PACSIN2: variants seen among roughly 807,000 people sequenced by gnomAD.
PACSIN2 encodes the protein protein kinase C and casein kinase substrate in neurons protein 2.
In PACSIN2, 25 loss-of-function variants were observed where a neutral mutation model predicts 63.8. The ratio of observed to expected loss-of-function variants is 0.39; its 90% confidence interval spans 0.29 to 0.55. The LOEUF is 0.55. Among genes scored for constraint, PACSIN2 ranks in the 20% least tolerant of loss-of-function variants. The pLI is 0.62. For missense variants in PACSIN2, 518 were observed against 646.9 expected, an observed-to-expected ratio of 0.80 and a Z score of 2.16; for synonymous variants, 255 against 256.2, an observed-to-expected ratio of 1.00 and a Z score of 0.05.
intron 1 of PACSIN2, among the ~76,000 whole-genome samples, chr22:42,951,757 C>T (rs1933703344): frequency 6.6e-6 from 1 of 152,210 alleles, no homozygotes; most frequent in Admixed American, 6.5e-5. Flanking sequence ...TTGCCAACAG[C>T]TATTGTCAAC....
chr22:43,014,005 G>A (rs1924676047), intron 1 of PACSIN2, among the ~76,000 whole-genome samples: 1 of 152,054 alleles, frequency 6.6e-6, no homozygotes. Context: ...AGCCGTGTGG[G>A]CCCCAAAGCA....
At chr22:42,947,975 C>T (rs190944686) in intron 1 of PACSIN2, among the ~76,000 whole-genome samples, 33 of 152,328 alleles carry the variant, frequency 2.2e-4, no homozygotes, top group African/African-American at 7.9e-4. Flanking sequence ...GAACAACCTC[C>T]TCCAACACAG....
chr22:42,941,647 T>C (rs867694193), intron 1 of PACSIN2, among the ~76,000 whole-genome samples: 25 of 152,356 alleles, frequency 1.6e-4, no homozygotes, highest in Middle Eastern at 6.8e-3. Context: ...ACTAGTGATA[T>C]TGGGTATCTT....
intron 1 of PACSIN2, among the ~76,000 whole-genome samples, chr22:42,922,462 G>T (rs1427944424): frequency 6.6e-6 from 1 of 152,194 alleles, no homozygotes; most frequent in Non-Finnish European, 1.5e-5. Context: ...TCGGGAGAAA[G>T]CCCCCGATAC....
In PACSIN2 at chr22:42,882,176, C is replaced by G; in HGVS notation, c.906+8G>C. The G allele has an allele frequency of 6.2e-7, 1 of 1,614,012 alleles. No individual in the cohort carries two copies. Among genetic ancestry groups the G allele is most frequent in the Non-Finnish European group, 8.5e-7 (1 of 1,180,012 alleles). On this transcript the variant is annotated splice_region_variant and intron_variant, in intron 7 of 10. Transcript: ENST00000263246. Reference sequence around the variant, plus strand: ...GCTGATGAGCTCATGGGCACACCCTCCTCTTACCTCAAACTGCGGCCAGTT... The same window carrying G: ...GCTGATGAGCTCATGGGCACACCCTGCTCTTACCTCAAACTGCGGCCAGTT...
intron 1 of PACSIN2, among the ~76,000 whole-genome samples, chr22:42,956,367 C>T (rs1933916895): frequency 6.6e-6 from 1 of 152,142 alleles, no homozygotes; most frequent in Admixed American, 6.5e-5. Context: ...CTGGAGGAGA[C>T]GTCAGGTAGA....
intron 1 of PACSIN2, among the ~76,000 whole-genome samples, chr22:43,012,718 T>C (rs1924585138): frequency 6.6e-6 from 1 of 151,834 alleles, no homozygotes; most frequent in African/African-American, 2.4e-5. Context: ...AACGGCCGGA[T>C]CTTGGCTCAC....
chr22:42,926,893 G>A (rs961715196), intron 1 of PACSIN2, among the ~76,000 whole-genome samples: 3 of 151,956 alleles, frequency 2.0e-5, no homozygotes, highest in African/African-American at 7.3e-5. Flanking sequence ...AAACAACAGA[G>A]CAACCTCAGT....
chr22:42,981,391 C>T (rs1364499806), intron 1 of PACSIN2, among the ~76,000 whole-genome samples: 9 of 130,470 alleles, frequency 6.9e-5, no homozygotes, highest in South Asian at 5.1e-4. Flanking sequence ...CCGCCCCGTC[C>T]GGGAGGTGAG....
In PACSIN2 at chr22:42,871,515, A is replaced by T; in HGVS notation, c.1349-46T>A. The T allele has an allele frequency of 7.1e-7, 1 of 1,417,564 alleles. No homozygotes were observed. 87.8% of individuals were successfully genotyped at this position (1,417,564 alleles called of 1,614,324 possible). ...CGTCTCCATGAGAGGTATGACACCGACGGTGGGCTACAGAGCCGCATTCAC... is the reference window on the plus strand; with the variant it reads ...CGTCTCCATGAGAGGTATGACACCGTCGGTGGGCTACAGAGCCGCATTCAC... On this transcript the variant is annotated intron_variant, in intron 10 of 10. Coordinates refer to ENST00000263246, the MANE Select transcript of PACSIN2 (RefSeq NM_001184970.3). The surrounding 1 kb of genome is among the most constrained non-coding windows in gnomAD (Gnocchi z 5.4).
chr22:42,927,250 C>CTT (rs11431933), intron 1 of PACSIN2, among the ~76,000 whole-genome samples: 1,821 of 147,324 alleles, frequency 0.012, 42 homozygotes, highest in African/African-American at 0.042. Context: ...CTTCCAGTTA[C>CTT]TTTTTTTTTT....
In PACSIN2 at chr22:42,954,490, G is replaced by A. The variant is rs201008887; in HGVS notation, c.-77-42333C>T. ...AGCTCATTGCAGCCTCAACCTCCTGGGTGTAAGCGATCCTCCCACTTGAGC... is the reference window on the plus strand; with the variant it reads ...AGCTCATTGCAGCCTCAACCTCCTGAGTGTAAGCGATCCTCCCACTTGAGC... On this transcript the variant is annotated intron_variant, in intron 1 of 10. Coordinates refer to ENST00000263246, the MANE Select transcript of PACSIN2 (RefSeq NM_001184970.3). 2.0e-5 allele frequency among the ~76,000 whole-genome samples: 3 copies of A among 152,236 alleles called. No homozygotes were observed. The East Asian group carries it at 5.8e-4, about 29-fold the overall frequency.
chr22:42,910,701 C>T (rs1931394237), intron 2 of PACSIN2, among the ~76,000 whole-genome samples: 1 of 148,796 alleles, frequency 6.7e-6, no homozygotes, highest in African/African-American at 2.5e-5. Flanking sequence ...GGCAGATGTG[C>T]CTCTCCGGCT....
At chr22:42,958,128 T>C (rs1027302487) in intron 1 of PACSIN2, among the ~76,000 whole-genome samples, 1 of 151,822 alleles carries the variant, frequency 6.6e-6, no homozygotes. Context: ...GTGATATTCA[T>C]CTTAAGATAA....
intron 1 of PACSIN2, among the ~76,000 whole-genome samples, chr22:42,967,579 G>A (rs973717968): frequency 1.3e-5 from 2 of 152,168 alleles, no homozygotes; most frequent in African/African-American, 4.8e-5. Flanking sequence ...CTGGCATTGT[G>A]AGTTGGTGTT....
rs1250834425 is a variant in PACSIN2 at position 42,870,338 on chromosome 22, AC to A, written c.*1018del. The stretch of plus-strand genomic sequence containing the variant: ...CCAGGCCCACTGAGCCCGGGAGGAG[AC>A]CCAGCCGGCCAGCCAGACGTGTGCC... On this transcript the variant is annotated 3_prime_UTR_variant, in exon 11 of 11. Coordinates refer to ENST00000263246, the MANE Select transcript of PACSIN2 (RefSeq NM_001184970.3). 6.6e-6 allele frequency: 1 copy of A among 152,122 alleles called. No homozygotes were observed. The highest frequency in any genetic ancestry group is 1.9e-4 in the East Asian group (1 of 5,186). The allele number at this position is 152,122 out of a possible 1,614,324, so 9.4% of individuals were successfully genotyped here.
intron 6 of PACSIN2, among the ~76,000 whole-genome samples, chr22:42,882,765 G>A (rs1263385423): frequency 3.3e-5 from 5 of 152,208 alleles, no homozygotes; most frequent in Admixed American, 2.0e-4. Context: ...CCACCAAGAC[G>A]GGGTGGGGGC....
At chr22:43,008,034 G>C (rs1002389649) in intron 1 of PACSIN2, among the ~76,000 whole-genome samples, 1 of 152,200 alleles carries the variant, frequency 6.6e-6, no homozygotes, top group African/African-American at 2.4e-5. Context: ...CATCACACAT[G>C]ACATAACAGG....
chr22:42,989,812 A>T (rs900808432), intron 1 of PACSIN2, among the ~76,000 whole-genome samples: 2 of 150,550 alleles, frequency 1.3e-5, no homozygotes, highest in South Asian at 4.2e-4. Flanking sequence ...AAAAAACAAA[A>T]CAAGAAAGAA....
Sources: allele counts gnomAD v4.1 joint callset (sites outside exome capture counted in the v4.1 genomes callset), GRCh38; gene constraint gnomAD v4.1.1; non-coding constraint Gnocchi (gnomAD v3.1); transcripts MANE v1.5; gene names NCBI Gene and HGNC (gene_info 2026-07-23, HGNC 2026-07-21).